The following IP6K2 variants were observed in gnomAD, a reference collection of about 807,000 sequenced individuals.
IP6K2 encodes the protein inositol hexakisphosphate kinase 2.
A neutral mutation model predicts 43.3 loss-of-function variants in IP6K2; 9 were observed. The observed-to-expected ratio is 0.21, with a 90% CI of 0.13 to 0.36. The LOEUF (loss-of-function observed/expected upper bound fraction) is 0.36. Ranked by LOEUF, IP6K2 falls within the 10% of genes least tolerant of loss-of-function variation. IP6K2 has a pLI of 1.00. For synonymous variants in IP6K2, 209 were observed against 202.4 expected, an observed-to-expected ratio of 1.03 and a Z score of -0.28; for missense variants, 332 against 538.4, an observed-to-expected ratio of 0.62 and a Z score of 3.79.
chr3:48,715,878 C>T (rs2081133938), intron 1 of IP6K2, among the ~76,000 whole-genome samples: 1 of 148,634 alleles, frequency 6.7e-6, no homozygotes, highest in South Asian at 2.1e-4. Flanking sequence ...GACAAGACCA[C>T]AGAAAATAGA....
intron 1 of IP6K2, among the ~76,000 whole-genome samples, chr3:48,702,723 C>T (rs766826154): frequency 6.6e-6 from 1 of 152,214 alleles, no homozygotes; most frequent in Non-Finnish European, 1.5e-5. Flanking sequence ...GTCTGACATA[C>T]TCTACGTTTC....
intron 1 of IP6K2, among the ~76,000 whole-genome samples, chr3:48,702,790 A>AT (rs1199224942): frequency 1.3e-5 from 2 of 152,166 alleles, no homozygotes; most frequent in African/African-American, 4.8e-5. Context: ...AACAAGTTCC[A>AT]TAAGGTCAGA....
intron 1 of IP6K2, among the ~76,000 whole-genome samples, chr3:48,705,740 C>T (rs944978115): frequency 1.3e-4 from 20 of 151,644 alleles, no homozygotes; most frequent in Non-Finnish European, 2.2e-4. Flanking sequence ...TGGTGGCTCA[C>T]GCCTGTTATC....
At chr3:48,689,495 G>T in intron 5 of IP6K2, 43 bp downstream of exon 5, 1 of 1,575,390 alleles carries the variant, frequency 6.3e-7, no homozygotes. Flanking sequence ...GTGGGGAAGT[G>T]ACAGCCACTG....
At chr3:48,710,617 G>GTT in intron 1 of IP6K2, among the ~76,000 whole-genome samples, 1 of 148,906 alleles carries the variant, frequency 6.7e-6, no homozygotes, top group South Asian at 2.2e-4. Context: ...CATTAGTTTA[G>GTT]TTTTTTTTTT....
At chr3:48,694,541 T>C (rs2078099924) in intron 2 of IP6K2, 2 of 1,521,074 alleles carry the variant, frequency 1.3e-6, no homozygotes, top group South Asian at 2.6e-5. Flanking sequence ...AAATACATTA[T>C]AAAAAGAAAT....
chr3:48,694,918 G>A (rs1393599057), intron 2 of IP6K2, 172 bp downstream of exon 2: 1 of 1,548,116 alleles, frequency 6.5e-7, no homozygotes, highest in Non-Finnish European at 8.7e-7. Context: ...ATTGAAAACT[G>A]AGGGTGTGAG....
chr3:48,693,959 G>A lies in IP6K2; in HGVS notation c.203-780C>T, dbSNP rs1338669430. ...TTTGAGGATGGGGCTGTCAGGTGGG[G>A]GCGTTTCAGCAGGTGCCGACGAGCG... is the stretch of plus-strand genomic sequence containing the variant. On this transcript the variant is annotated intron_variant, in intron 2 of 5. Transcript: ENST00000328631. 10 of 1,372,652 alleles carry A rather than the reference G, an allele frequency of 7.3e-6. No individual in the cohort carries two copies. In the Admixed American group the frequency reaches 3.2e-4, roughly 44 times the overall value. The allele number at this position is 1,372,652 out of a possible 1,614,324, so 85.0% of individuals were successfully genotyped here.
At chr3:48,689,909 A>G (rs2077619898) in intron 4 of IP6K2, among the ~76,000 whole-genome samples, 196 bp from the exon 5 acceptor site, 1 of 152,172 alleles carries the variant, frequency 6.6e-6, no homozygotes, top group African/African-American at 2.4e-5. Flanking sequence ...CTTGTCAGGG[A>G]ACTGACGTGG....
At chr3:48,693,961 C>T (rs1359962322) in intron 2 of IP6K2, 6 of 1,370,346 alleles carry the variant, frequency 4.4e-6, no homozygotes, top group Non-Finnish European at 5.7e-6. Context: ...CAGGTGGGGG[C>T]GTTTCAGCAG....
intron 1 of IP6K2, among the ~76,000 whole-genome samples, chr3:48,711,110 C>G (rs1204110184): frequency 6.6e-6 from 1 of 152,054 alleles, no homozygotes; most frequent in Non-Finnish European, 1.5e-5. Context: ...AAGGTTTCGC[C>G]ACGTTGCCCA....
chr3:48,697,531 G>C (rs1170103937), intron 1 of IP6K2, among the ~76,000 whole-genome samples: 3 of 124,122 alleles, frequency 2.4e-5, no homozygotes, highest in Admixed American at 2.1e-4. Context: ...AGTAGAGACA[G>C]GGTTTCACCA....
chr3:48,697,837 CCTAA>C (rs1158393396), intron 1 of IP6K2, among the ~76,000 whole-genome samples: 1 of 152,024 alleles, frequency 6.6e-6, no homozygotes, highest in Non-Finnish European at 1.5e-5. Flanking sequence ...TGCCACCACG[CCTAA>C]CTAATATTTT....
At chr3:48,707,850 C>T (rs1017102241) in intron 1 of IP6K2, among the ~76,000 whole-genome samples, 1 of 152,124 alleles carries the variant, frequency 6.6e-6, no homozygotes, top group Non-Finnish European at 1.5e-5. Flanking sequence ...AAAATCTGGA[C>T]AAATCTCAGG....
chr3:48,709,734 G>A (rs1199532917), intron 1 of IP6K2, among the ~76,000 whole-genome samples: 2 of 152,014 alleles, frequency 1.3e-5, no homozygotes, highest in Non-Finnish European at 1.5e-5. Context: ...CTACTGGGGA[G>A]GCTGAGGCAG....
At position 48,695,834 on chromosome 3, in the gene IP6K2, T is replaced by C. The variant is rs2078277262; in HGVS notation, c.-130-413A>G. Among the ~76,000 whole-genome samples the C allele has an allele frequency of 6.8e-6, 1 of 147,038 alleles. No homozygotes were observed. The highest frequency in any genetic ancestry group is 2.5e-5 in the African/African-American group (1 of 40,572). On this transcript the variant is annotated intron_variant, in intron 1 of 5. Transcript: ENST00000328631. The surrounding 1 kb of genome is among the most constrained non-coding windows in gnomAD (Gnocchi z 4.6). ...GGTCTCCCATTAATTTTATATATTA[T>C]ATATAATATATATTATATATATAAA...
At position 48,689,430 on chromosome 3, in the gene IP6K2, G is replaced by A. The variant is rs1412779020; in HGVS notation, c.780+108C>T. ...GACCCCCAAAGTGCTGGGATTACAGGTGTGAGCCACTGCACCTGGCCTGGA... is the reference window on the plus strand; with the variant it reads ...GACCCCCAAAGTGCTGGGATTACAGATGTGAGCCACTGCACCTGGCCTGGA... On this transcript the variant is annotated intron_variant, in intron 5 of 5. Transcript: ENST00000328631. 4.3e-6 allele frequency: 5 copies of A among 1,169,998 alleles called. No individual in the cohort carries two copies. In the African/African-American group the frequency reaches 6.1e-5, roughly 14 times the overall value. The allele number at this position is 1,169,998 out of a possible 1,614,324, so 72.5% of individuals were successfully genotyped here. A position where few individuals can be genotyped will look rare whatever the true frequency, so the allele number is the denominator to read the frequency against.
intron 1 of IP6K2, chr3:48,715,601 C>G (rs192647051): frequency 6.1e-5 from 48 of 788,264 alleles, no homozygotes; most frequent in Non-Finnish European, 8.8e-5. Context: ...GCCTTGCTCC[C>G]TCCCTACCCA....
chr3:48,705,909 TAAA>T (rs11464060), intron 1 of IP6K2, among the ~76,000 whole-genome samples: 1 of 146,244 alleles, frequency 6.8e-6, no homozygotes. Context: ...TAAAATAAAA[TAAA>T]AAAAAACAGA....
Sources: gnomAD v4.1 joint callset for allele counts (sites outside exome capture counted in the v4.1 genomes callset) on GRCh38, gnomAD v4.1.1 for gene constraint, Gnocchi (gnomAD v3.1) non-coding constraint, MANE v1.5 for transcripts, NCBI Gene and HGNC (gene_info 2026-07-23, HGNC 2026-07-21) for gene names.